The following SYTL5 variants were observed in gnomAD, a reference collection of about 807,000 sequenced individuals.
SYTL5 encodes synaptotagmin-like protein 5.
SYTL5 carries 34 observed loss-of-function variants against 55.9 expected under a neutral mutation model. The ratio of observed to expected loss-of-function variants is 0.61; its 90% confidence interval spans 0.46 to 0.81. The LOEUF (loss-of-function observed/expected upper bound fraction) is 0.81, where lower values mean the gene tolerates loss of function less well. Among genes scored for constraint, SYTL5 ranks in the 30% least tolerant of loss-of-function variants. The pLI is 0.00. For synonymous variants in SYTL5, 221 were observed against 188.7 expected, an observed-to-expected ratio of 1.17 and a Z score of -1.40; for missense variants, 637 against 546.7, an observed-to-expected ratio of 1.17 and a Z score of -1.65.
chrX:37,971,448 C>T, the SYTL5 span, among the ~76,000 whole-genome samples: 8 of 110,891 alleles, frequency 7.2e-5, 1 homozygote, highest in South Asian at 7.5e-4. Context: ...TACACACACA[C>T]GCAAAGTTCC....
chrX:38,121,686 T>C (rs937589175), intron 14 of SYTL5, among the ~76,000 whole-genome samples: 11 of 112,445 alleles, frequency 9.8e-5, no homozygotes, highest in Admixed American at 9.4e-5. Flanking sequence ...AAGGGAGTTA[T>C]TGAATTTTCT....
intron 9 of SYTL5, among the ~76,000 whole-genome samples, chrX:38,096,851 G>A (rs1211513624): frequency 9.0e-6 from 1 of 111,000 alleles, no homozygotes; most frequent in African/African-American, 3.3e-5. Flanking sequence ...GTTCTAAAAT[G>A]AAATAATATT....
At chrX:38,065,031 C>T (rs904289566) in intron 3 of SYTL5, among the ~76,000 whole-genome samples, 2 of 110,983 alleles carry the variant, frequency 1.8e-5, no homozygotes, top group Non-Finnish European at 3.8e-5. Context: ...CCCATGTTAT[C>T]CTTTCTACTG....
intron 14 of SYTL5, 148 bp downstream of exon 14, chrX:38,120,614 G>T: frequency 2.2e-6 from 1 of 460,109 alleles, no homozygotes; most frequent in South Asian, 3.3e-5. Flanking sequence ...GGGGAGAGTT[G>T]AGATGTGTAT....
At chrX:37,927,840 A>G in the SYTL5 span, among the ~76,000 whole-genome samples, 3 of 111,684 alleles carry the variant, frequency 2.7e-5, no homozygotes, top group African/African-American at 9.8e-5. Context: ...CTTCTGTCTT[A>G]TCGTGTACTT....
the SYTL5 span, among the ~76,000 whole-genome samples, chrX:37,987,200 T>A: frequency 8.9e-6 from 1 of 112,145 alleles, no homozygotes; most frequent in Admixed American, 9.4e-5. Context: ...ACATTTAAAA[T>A]AACATTTTAA....
chrX:37,910,976 T>C, the SYTL5 span, among the ~76,000 whole-genome samples: 8 of 100,637 alleles, frequency 7.9e-5, no homozygotes, highest in Non-Finnish European at 1.6e-4. Flanking sequence ...ACTTTTTTTT[T>C]TTTTTTTTGG....
the SYTL5 span, among the ~76,000 whole-genome samples, chrX:37,945,541 G>A: frequency 2.7e-5 from 3 of 111,057 alleles, no homozygotes; most frequent in Non-Finnish European, 5.7e-5. Context: ...CACTGTCCTG[G>A]CACCTTCCAA....
intron 2 of SYTL5, among the ~76,000 whole-genome samples, chrX:38,053,539 T>C (rs1935681087): frequency 8.9e-6 from 1 of 112,422 alleles, no homozygotes; most frequent in Non-Finnish European, 1.9e-5. Context: ...AACTTTCAAA[T>C]GCTAAGCAGA....
At chrX:37,893,570 CAATCTATATAT>C in the SYTL5 span, among the ~76,000 whole-genome samples, 5 of 85,578 alleles carry the variant, frequency 5.8e-5, no homozygotes, top group East Asian at 1.3e-3. Context: ...ATTATATATA[CAATCTATATAT>C]AATCTATATA....
intron 11 of SYTL5, among the ~76,000 whole-genome samples, chrX:38,108,208 G>A (rs1418750648): frequency 8.9e-6 from 1 of 111,951 alleles, no homozygotes; most frequent in Non-Finnish European, 1.9e-5. Flanking sequence ...GTACAATATG[G>A]TAGCTCCTTG....
intron 3 of SYTL5, among the ~76,000 whole-genome samples, chrX:38,065,920 T>C (rs1047233255): frequency 4.5e-5 from 5 of 110,947 alleles, no homozygotes; most frequent in African/African-American, 1.3e-4. Flanking sequence ...GCCAACATGG[T>C]GAAAACCCAT....
At chrX:38,050,425 G>C (rs983547) in intron 2 of SYTL5, among the ~76,000 whole-genome samples, 45,131 of 110,590 alleles carry the variant, frequency 0.41, 8,870 homozygotes, top group African/African-American at 0.76. Context: ...TGAAAAGATT[G>C]TATCATTCAA....
the SYTL5 span, among the ~76,000 whole-genome samples, chrX:37,943,886 C>T: frequency 9.0e-6 from 1 of 111,301 alleles, no homozygotes; most frequent in Non-Finnish European, 1.9e-5. Context: ...CAAAAATTCA[C>T]CATGGCTCCT....
chrX:38,028,553 T>C (rs1169635521), intron 1 of SYTL5, among the ~76,000 whole-genome samples: 1 of 112,218 alleles, frequency 8.9e-6, no homozygotes, highest in Non-Finnish European at 1.9e-5. Flanking sequence ...AAGAGTTTTC[T>C]TGTCTCTGAA....
the SYTL5 span, among the ~76,000 whole-genome samples, chrX:37,933,345 C>T: frequency 9.0e-6 from 1 of 111,445 alleles, no homozygotes; most frequent in Non-Finnish European, 1.9e-5. Context: ...TTTCCATATT[C>T]CCATCCCCCT....
At chrX:38,077,405 G>A (rs188471381) in intron 6 of SYTL5, among the ~76,000 whole-genome samples, 58 of 111,268 alleles carry the variant, frequency 5.2e-4, no homozygotes, top group African/African-American at 1.5e-3. Flanking sequence ...ACTCCCTTTC[G>A]TTTGCTTGTG....
chrX:38,102,898 A>C, intron 10 of SYTL5: 1 of 471,642 alleles, frequency 2.1e-6, no homozygotes, highest in Admixed American at 4.1e-5. Flanking sequence ...TTTAGTGTTC[A>C]AGGCCTTTTT....
chrX:38,019,887 G>A (rs546110157), intron 1 of SYTL5, among the ~76,000 whole-genome samples: 3 of 111,169 alleles, frequency 2.7e-5, no homozygotes, highest in South Asian at 7.6e-4. Context: ...CGCCCGCTTC[G>A]GCCTCCCAAA....
Sources: gnomAD v4.1 joint callset for allele counts (sites outside exome capture counted in the v4.1 genomes callset) on GRCh38, gnomAD v4.1.1 for gene constraint, MANE v1.5 for transcripts, NCBI Gene and HGNC (gene_info 2026-07-23, HGNC 2026-07-21) for gene names.